Variants in DTNBP1 observed in about 807,000 individuals in gnomAD.
DTNBP1 encodes the protein dystrobrevin binding protein 1, also known as dysbindin.
DTNBP1 carries 35 observed loss-of-function variants against 42.8 expected under a neutral mutation model. The observed-to-expected ratio is 0.82, with a 90% confidence interval of 0.63 to 1.09. DTNBP1 has a LOEUF of 1.09. DTNBP1 is among the 50% of genes least tolerant of loss of function. The probability of loss-of-function intolerance (pLI) is 0.00; values close to 1 mark genes in which losing one functional copy is unlikely to be tolerated. For missense variants in DTNBP1, 457 were observed against 424.2 expected, an observed-to-expected ratio of 1.08 and a Z score of -0.68; for synonymous variants, 171 against 162.2, an observed-to-expected ratio of 1.05 and a Z score of -0.41.
intron 5 of DTNBP1, among the ~76,000 whole-genome samples, chr6:15,624,914 C>T (rs1027829022): frequency 4.6e-5 from 7 of 151,934 alleles, no homozygotes; most frequent in South Asian, 4.1e-4. Context: ...TCATAAAGTA[C>T]ATTAATGGTA....
At chr6:15,598,169 TA>T (rs1175959101) in intron 6 of DTNBP1, among the ~76,000 whole-genome samples, 3 of 152,068 alleles carry the variant, frequency 2.0e-5, no homozygotes, top group African/African-American at 7.2e-5. Context: ...TTATAAAGAA[TA>T]AAAATGAAAG....
intron 6 of DTNBP1, among the ~76,000 whole-genome samples, chr6:15,599,223 G>C (rs1177134155): frequency 6.6e-6 from 1 of 152,194 alleles, no homozygotes; most frequent in Non-Finnish European, 1.5e-5. Context: ...GGAAAGATGA[G>C]ACAGGGGTAA....
rs2086519969 is a variant in DTNBP1 at position 15,610,522 on chromosome 6, T to C, written c.488+4745A>G. 2.0e-5 allele frequency among the ~76,000 whole-genome samples: 3 copies of C among 152,138 alleles called. No individual in the cohort carries two copies. In the South Asian group the frequency reaches 6.2e-4, roughly 31 times the overall value. On this transcript the variant is annotated intron_variant, in intron 6 of 9. Transcript: ENST00000344537. Reference sequence around the variant, plus strand: ...ACTTGAAATCAAAAGCTAGAAATAATCAAGCTTAGTGAGGAAGGCATGTCG... The same window carrying C: ...ACTTGAAATCAAAAGCTAGAAATAACCAAGCTTAGTGAGGAAGGCATGTCG...
At chr6:15,563,404 A>G (rs1193854898) in intron 7 of DTNBP1, among the ~76,000 whole-genome samples, 1 of 152,248 alleles carries the variant, frequency 6.6e-6, no homozygotes, top group African/African-American at 2.4e-5. Context: ...AGCCATCTTC[A>G]CAGGGTTAAC....
rs973752383 is a variant in DTNBP1 at position 15,662,996 on chromosome 6, C to G, written c.-127G>C. 24 of 1,348,232 alleles carry G rather than the reference C, an allele frequency of 1.8e-5. No homozygotes were observed. Among genetic ancestry groups the G allele is most frequent in the Non-Finnish European group, 2.4e-5 (23 of 975,206 alleles). 83.5% of individuals were successfully genotyped at this position (1,348,232 alleles called of 1,614,324 possible). On this transcript the variant is annotated 5_prime_UTR_variant, in exon 1 of 10. Coordinates refer to ENST00000344537, the MANE Select transcript of DTNBP1 (RefSeq NM_032122.5). Reference sequence around the variant, plus strand: ...CGCACTCCCACTACCGGCCCCGCCCCCGGTCTGGTCCTCGCCGCCGCGCCG... The same window carrying G: ...CGCACTCCCACTACCGGCCCCGCCCGCGGTCTGGTCCTCGCCGCCGCGCCG...
In DTNBP1 at chr6:15,576,126, C is replaced by CTT. The variant is rs111425937; in HGVS notation, c.511+16931_511+16932dup. 4.2e-4 allele frequency among the ~76,000 whole-genome samples: 63 copies of CTT among 149,026 alleles called. 1 individual carries two copies. The highest frequency in any genetic ancestry group is 6.1e-4 in the Non-Finnish European group (41 of 67,132). Reference sequence around the variant, plus strand: ...TATGGTTGCTATTAACTTCTTTTTCCTTTTTTTTTTGAGACAGAGTCTTGC... The same window carrying CTT: ...TATGGTTGCTATTAACTTCTTTTTCCTTTTTTTTTTTTGAGACAGAGTCTTGC... On this transcript the variant is annotated intron_variant, in intron 7 of 9. Transcript: ENST00000344537.
chr6:15,577,412 C>T (rs1018777368), intron 7 of DTNBP1, among the ~76,000 whole-genome samples: 1 of 152,124 alleles, frequency 6.6e-6, no homozygotes, highest in Non-Finnish European at 1.5e-5. Context: ...ACAACAGTGC[C>T]GAGTGTAGGC....
chr6:15,612,824 A>C (rs1439770201), intron 6 of DTNBP1, among the ~76,000 whole-genome samples: 1 of 152,216 alleles, frequency 6.6e-6, no homozygotes, highest in Non-Finnish European at 1.5e-5. Flanking sequence ...CTCTTGTTGC[A>C]TTATAAACAT....
intron 7 of DTNBP1, among the ~76,000 whole-genome samples, chr6:15,541,010 GGTAT>G (rs142793079): frequency 0.024 from 3,610 of 152,104 alleles, 145 homozygotes; most frequent in African/African-American, 0.081. Flanking sequence ...TTCCTCACTA[GGTAT>G]CTGAAACATC....
chr6:15,526,786 A>G (rs1023260647), intron 8 of DTNBP1, among the ~76,000 whole-genome samples: 8 of 152,170 alleles, frequency 5.3e-5, no homozygotes, highest in Non-Finnish European at 8.8e-5. Context: ...TTCAGTTTTG[A>G]AAGTTTGTCT....
intron 7 of DTNBP1, among the ~76,000 whole-genome samples, chr6:15,566,351 A>T (rs1234524862): frequency 6.6e-6 from 1 of 151,968 alleles, no homozygotes; most frequent in Non-Finnish European, 1.5e-5. Flanking sequence ...AAGCCCCCCA[A>T]ATGATTGAAT....
At chr6:15,571,378 A>T (rs1281534546) in intron 7 of DTNBP1, among the ~76,000 whole-genome samples, 1 of 152,238 alleles carries the variant, frequency 6.6e-6, no homozygotes, top group Non-Finnish European at 1.5e-5. Flanking sequence ...CTGAACAAGT[A>T]TATCACCTGT....
At chr6:15,613,729 A>G (rs1758563282) in intron 6 of DTNBP1, among the ~76,000 whole-genome samples, 1 of 152,084 alleles carries the variant, frequency 6.6e-6, no homozygotes, top group African/African-American at 2.4e-5. Context: ...AATGAAATGT[A>G]CAGAAAGCAC....
intron 7 of DTNBP1, among the ~76,000 whole-genome samples, chr6:15,567,960 T>C (rs754677521): frequency 6.6e-6 from 1 of 152,198 alleles, no homozygotes; most frequent in Non-Finnish European, 1.5e-5. Flanking sequence ...GGATTAATGA[T>C]AATATATGTA....
At chr6:15,605,443 T>C (rs370397751) in intron 6 of DTNBP1, among the ~76,000 whole-genome samples, 1 of 152,220 alleles carries the variant, frequency 6.6e-6, no homozygotes, top group Admixed American at 6.5e-5. Flanking sequence ...TTCTCACATA[T>C]CTTCTCAGAA....
chr6:15,637,783 T>C lies in DTNBP1; in HGVS notation c.183A>G (p.Ala61=). The C allele has an allele frequency of 3.7e-6, 6 of 1,613,686 alleles. No homozygotes were observed. The highest frequency in any genetic ancestry group is 5.1e-6 in the Non-Finnish European group (6 of 1,180,020). Residue 61 remains alanine, a synonymous_variant, in exon 4 of 10, where the codon GCA becomes GCG. Transcript: ENST00000344537. ...LLSRYEDTWA[A]LHRRAKDCAS... ...CACAGTCTTTGGCTCTTCTGTGAAG[T>C]GCAGCCCATGTATCCTCATACCTAA...
At chr6:15,547,980 A>C (rs181703866) in intron 7 of DTNBP1, among the ~76,000 whole-genome samples, 3 of 152,376 alleles carry the variant, frequency 2.0e-5, no homozygotes, top group Non-Finnish European at 4.4e-5. Context: ...AAAAATACAT[A>C]CAAGCAAAGT....
chr6:15,656,905 T>C lies in DTNBP1; in HGVS notation c.57-4765A>G, dbSNP rs546450635. Among the ~76,000 whole-genome samples, 16 of 152,296 alleles carry C rather than the reference T, an allele frequency of 1.1e-4. No individual in the cohort carries two copies. In the South Asian group the frequency reaches 3.3e-3, roughly 32 times the overall value. On this transcript the variant is annotated intron_variant, in intron 1 of 9. Transcript: ENST00000344537. Reference sequence around the variant, plus strand: ...TTCCAACTGTCTACATCATTGGCTATTAGGAAAGGTGAGGACGATTGCTTT... The same window carrying C: ...TTCCAACTGTCTACATCATTGGCTACTAGGAAAGGTGAGGACGATTGCTTT...
Position 15,627,350 on chromosome 6 carries a change from T to C in DTNBP1, c.348A>G (p.Ala116=). 1 of 1,613,590 alleles carries C rather than the reference T, an allele frequency of 6.2e-7. No individual in the cohort carries two copies. Among genetic ancestry groups the C allele is most frequent in the Non-Finnish European group, 8.5e-7 (1 of 1,179,874 alleles). ...TGAAAACATTGGACTTACTCAGATT[T>C]GCTGTCATGGATTCTAAGTCTGCGA... is the stretch of plus-strand genomic sequence containing the variant. ...ALIADLESMT[A]NLTHLEASFE... Residue 116 remains alanine, a synonymous_variant, in exon 5 of 10, where the codon GCA becomes GCG. Transcript: ENST00000344537.
Sources: gnomAD v4.1 joint callset for allele counts (sites outside exome capture counted in the v4.1 genomes callset) on GRCh38, gnomAD v4.1.1 for gene constraint, MANE v1.5 for transcripts, NCBI Gene and HGNC (gene_info 2026-07-23, HGNC 2026-07-21) for gene names.